TAPT1: variants seen among roughly 807,000 people sequenced by gnomAD.
TAPT1 encodes transmembrane anterior posterior transformation protein 1 homolog.
In TAPT1, 28 loss-of-function variants were observed where a neutral mutation model predicts 65.6. The observed-to-expected ratio is 0.43, with a 90% CI of 0.32 to 0.59. The LOEUF is 0.59. TAPT1 is among the 20% of genes least tolerant of loss of function. The pLI is 0.09. For missense variants in TAPT1, 563 were observed against 679.9 expected, an observed-to-expected ratio of 0.83 and a Z score of 1.91; for synonymous variants, 278 against 245.2, an observed-to-expected ratio of 1.13 and a Z score of -1.25.
intron 9 of TAPT1, 28 bp from the exon 10 acceptor site, chr4:16,174,757 A>C: frequency 1.4e-6 from 2 of 1,445,460 alleles, no homozygotes; most frequent in East Asian, 2.5e-5. Context: ...TGAAATATCA[A>C]GTAATACAGT....
At chr4:16,203,213 GTA>G (rs2149704600) in intron 2 of TAPT1, among the ~76,000 whole-genome samples, 1 of 152,308 alleles carries the variant, frequency 6.6e-6, no homozygotes, top group East Asian at 1.9e-4. Flanking sequence ...ACTTGGCCAA[GTA>G]GCCACCACTA....
In TAPT1 at chr4:16,163,171, A is replaced by G; in HGVS notation, c.*137T>C. 4 of 710,038 alleles carry G rather than the reference A, an allele frequency of 5.6e-6. No individual in the cohort carries two copies. The highest frequency in any genetic ancestry group is 9.7e-6 in the Non-Finnish European group (4 of 411,978). 44.0% of individuals were successfully genotyped at this position (710,038 alleles called of 1,614,324 possible). ...GCCAGGCCATATTACTGGAAGAAAGATACTAAGATTTGCTTGCCAATAATA... is the reference window on the plus strand; with the variant it reads ...GCCAGGCCATATTACTGGAAGAAAGGTACTAAGATTTGCTTGCCAATAATA... On this transcript the variant is annotated 3_prime_UTR_variant, in exon 14 of 14. Transcript: ENST00000405303.
intron 4 of TAPT1, among the ~76,000 whole-genome samples, chr4:16,188,811 T>C (rs924555926): frequency 1.1e-4 from 16 of 151,922 alleles, no homozygotes; most frequent in African/African-American, 3.9e-4. Flanking sequence ...TCCCAGCTAC[T>C]CGGGAGGCTG....
In TAPT1 at chr4:16,163,497, T is replaced by C; in HGVS notation, c.1515A>G (p.Lys505=). The C allele has an allele frequency of 1.2e-6, 2 of 1,613,992 alleles. No individual in the cohort carries two copies. The highest frequency in any genetic ancestry group is 1.7e-6 in the Non-Finnish European group (2 of 1,179,880). Residue 505 remains lysine (K), a synonymous_variant, in exon 14 of 14, where the codon AAA becomes AAG. Coordinates refer to ENST00000405303, the MANE Select transcript of TAPT1 (RefSeq NM_153365.3). The part of the protein sequence containing the change: ...TEENLSASIT[K]QPIHQKENII... Reference sequence around the variant, plus strand: ...TATTTTCCTTTTGATGAATAGGTTGTTTGGTGATGGAGGCAGACAGGTTTT... The same window carrying C: ...TATTTTCCTTTTGATGAATAGGTTGCTTGGTGATGGAGGCAGACAGGTTTT...
chr4:16,170,605 A>T, intron 12 of TAPT1, 48 bp downstream of exon 12: 2 of 1,406,124 alleles, frequency 1.4e-6, no homozygotes, highest in Non-Finnish European at 2.0e-6. Context: ...TACATCTTGC[A>T]TTTATGCTTT....
chr4:16,202,840 GCTTT>G (rs1750119879), intron 2 of TAPT1, among the ~76,000 whole-genome samples: 2 of 152,130 alleles, frequency 1.3e-5, no homozygotes. Context: ...ATCTGATGCG[GCTTT>G]CTGAGTACTT....
At chr4:16,203,963 G>A (rs543275799) in intron 2 of TAPT1, among the ~76,000 whole-genome samples, 5 of 152,120 alleles carry the variant, frequency 3.3e-5, no homozygotes, top group Admixed American at 6.5e-5. Flanking sequence ...GTGAAAATAC[G>A]ATGCTAGATT....
chr4:16,185,570 T>C (rs1156358216), intron 7 of TAPT1, among the ~76,000 whole-genome samples: 1 of 152,156 alleles, frequency 6.6e-6, no homozygotes, highest in Non-Finnish European at 1.5e-5. Flanking sequence ...GGTTTTACCA[T>C]GTTGGCCGGG....
At chr4:16,164,435 C>T (rs183875094) in intron 13 of TAPT1, among the ~76,000 whole-genome samples, 133 of 152,314 alleles carry the variant, frequency 8.7e-4, no homozygotes, top group Middle Eastern at 3.4e-3. Flanking sequence ...GTTCTCCTGA[C>T]CTCCAAGACA....
At chr4:16,183,890 G>C (rs1043632823) in intron 7 of TAPT1, among the ~76,000 whole-genome samples, 7 of 152,214 alleles carry the variant, frequency 4.6e-5, no homozygotes, top group Non-Finnish European at 7.3e-5. Context: ...AGAGCCTTGA[G>C]AGTCAGGTCC....
At chr4:16,213,699 T>G in intron 2 of TAPT1, 69 bp downstream of exon 2, 1 of 1,356,742 alleles carries the variant, frequency 7.4e-7, no homozygotes, top group Non-Finnish European at 9.7e-7. Context: ...CTGTTGACCA[T>G]TTTTTTGCAT....
intron 12 of TAPT1, 88 bp from the exon 13 acceptor site, chr4:16,166,881 TG>T (rs1265720159): frequency 6.9e-6 from 9 of 1,300,276 alleles, no homozygotes; most frequent in Non-Finnish European, 9.7e-6. Context: ...AAGGAGAAGG[TG>T]GGGGGGCATG....
At chr4:16,180,194 A>G (rs1421431307) in intron 7 of TAPT1, among the ~76,000 whole-genome samples, 1 of 152,120 alleles carries the variant, frequency 6.6e-6, no homozygotes, top group Non-Finnish European at 1.5e-5. Flanking sequence ...AGGTAAAATA[A>G]CCCCAAATTG....
intron 1 of TAPT1, among the ~76,000 whole-genome samples, chr4:16,222,084 G>C (rs1243951468): frequency 6.6e-6 from 1 of 152,206 alleles, no homozygotes; most frequent in Non-Finnish European, 1.5e-5. Flanking sequence ...AGGTTATAAA[G>C]CAAAGGATTA....
intron 6 of TAPT1, 23 bp from the exon 7 acceptor site, chr4:16,186,627 C>T: frequency 1.4e-6 from 2 of 1,473,142 alleles, no homozygotes; most frequent in Non-Finnish European, 1.9e-6. Context: ...ACAGAAATAC[C>T]ATCTTTATGA....
At chr4:16,201,979 G>C (rs1463981144) in intron 3 of TAPT1, among the ~76,000 whole-genome samples, 2 of 152,124 alleles carry the variant, frequency 1.3e-5, no homozygotes, top group African/African-American at 4.8e-5. Context: ...CAGTAACTAA[G>C]GCTCCACAGA....
intron 3 of TAPT1, among the ~76,000 whole-genome samples, chr4:16,201,326 C>T (rs891427301): frequency 6.6e-6 from 1 of 152,030 alleles, no homozygotes; most frequent in African/African-American, 2.4e-5. Context: ...TGTATATCGA[C>T]CACTAATTTT....
chr4:16,212,694 T>G (rs893173799), intron 2 of TAPT1, among the ~76,000 whole-genome samples: 1 of 152,226 alleles, frequency 6.6e-6, no homozygotes, highest in African/African-American at 2.4e-5. Context: ...TTAATGATCC[T>G]TGCCAAAGGC....
chr4:16,179,519 G>T (rs1265678527), intron 8 of TAPT1, 58 bp downstream of exon 8: 4 of 1,049,762 alleles, frequency 3.8e-6, no homozygotes, highest in African/African-American at 1.7e-5. Context: ...CCATGTAAAA[G>T]AATGATTTTG....
Sources: gnomAD v4.1 joint callset for allele counts (sites outside exome capture counted in the v4.1 genomes callset) on GRCh38, gnomAD v4.1.1 for gene constraint, MANE v1.5 for transcripts, NCBI Gene and HGNC (gene_info 2026-07-23, HGNC 2026-07-21) for gene names.